TLCD2: variants seen among roughly 807,000 people sequenced by gnomAD.
TLCD2 encodes the protein TLC domain-containing protein 2.
A neutral mutation model predicts 14.0 loss-of-function variants in TLCD2; 12 were observed. That is an observed-to-expected ratio of 0.86 (90% CI 0.55 to 1.39). TLCD2 has a LOEUF of 1.39. Among genes scored for constraint, TLCD2 ranks in the 40% most tolerant of loss-of-function variants. The pLI, the probability that TLCD2 is intolerant of heterozygous loss-of-function variation, is 0.00. For missense variants in TLCD2, 360 were observed against 346.8 expected (o/e 1.04, Z -0.30); for synonymous variants, 166 against 156.5 (o/e 1.06, Z -0.45).
Position 1,710,375 on chromosome 17 carries a change from A to T in TLCD2, c.-133T>A. The T allele has an allele frequency of 1.3e-6, 1 of 778,092 alleles. No individual in the cohort carries two copies. Among genetic ancestry groups the T allele is most frequent in the Non-Finnish European group, 1.9e-6 (1 of 525,204 alleles). 48.2% of individuals were successfully genotyped at this position (778,092 alleles called of 1,614,324 possible). A position where few individuals can be genotyped will look rare whatever the true frequency, so the allele number is the denominator to read the frequency against. On this transcript the variant is annotated 5_prime_UTR_variant, in exon 1 of 4. Transcript: ENST00000330676. The surrounding 1 kb of genome is among the most constrained non-coding windows in gnomAD (Gnocchi z 6.1). Reference sequence around the variant, plus strand: ...CCCTCCCCGCCGCGCCTTTGGGATCAGCAGGAACTTTTCCCCGTTCGTCCA... The same window carrying T: ...CCCTCCCCGCCGCGCCTTTGGGATCTGCAGGAACTTTTCCCCGTTCGTCCA...
chr17:1,708,956 G>A (rs8072875), intron 3 of TLCD2, among the ~76,000 whole-genome samples: 23,636 of 151,976 alleles, frequency 0.16, 2,423 homozygotes, highest in East Asian at 0.52. Context: ...GAGTGCCCTG[G>A]CATGGTAGGT....
At position 1,710,103 on chromosome 17, in the gene TLCD2, G is replaced by A. The variant is rs1030398109; in HGVS notation, c.140C>T (p.Ala47Val). The change falls in exon 1 of 4, where the codon GCG becomes GTG. Residue 47 changes from alanine (A) to valine (V), a missense_variant. By Grantham distance (64) the Ala-to-Val change is moderately conservative (BLOSUM62 0). Transcript: ENST00000330676. This position sits in a 1 kb window ranked among gnomAD's most constrained non-coding sequence, Gnocchi z 6.1. ...CCCGGTCCCCGAGAGCAGGCTGTGCGCCAGGGAGACGCAGAGGTTCCACCA... is the reference window on the plus strand; with the variant it reads ...CCCGGTCCCCGAGAGCAGGCTGTGCACCAGGGAGACGCAGAGGTTCCACCA... ...WQWWNLCVSL[A>V]HSLLSGTGAL... 2.6e-6 allele frequency: 4 copies of A among 1,533,304 alleles called. No homozygotes were observed. In the African/African-American group the frequency reaches 4.1e-5, roughly 16 times the overall value. The allele number at this position is 1,533,304 out of a possible 1,614,324, so 95.0% of individuals were successfully genotyped here. A position where few individuals can be genotyped will look rare whatever the true frequency, so the allele number is the denominator to read the frequency against.
In TLCD2 at chr17:1,705,702, C is replaced by T. The variant is rs1452609839; in HGVS notation, c.*2068G>A. 6.6e-6 allele frequency: 1 copy of T among 152,230 alleles called. No individual in the cohort carries two copies. Among genetic ancestry groups the T allele is most frequent in the Non-Finnish European group, 1.5e-5 (1 of 68,076 alleles). 9.4% of individuals were successfully genotyped at this position (152,230 alleles called of 1,614,324 possible). ...TTCTTCGTATCTTTCTGTACCTCCG[C>T]TTCTTAGCAAGGTTTTTGTTTTGTT... is the stretch of plus-strand genomic sequence containing the variant. On this transcript the variant is annotated 3_prime_UTR_variant, in exon 4 of 4. Coordinates refer to ENST00000330676, the MANE Select transcript of TLCD2 (RefSeq NM_001164407.2).
rs1199800990 is a variant in TLCD2, at chr17:1,705,791, G to A, written c.*1979C>T. The A allele has an allele frequency of 6.6e-6, 1 of 152,124 alleles. No homozygotes were observed. The highest frequency in any genetic ancestry group is 1.5e-5 in the Non-Finnish European group (1 of 68,038). The allele number at this position is 152,124 out of a possible 1,614,324, so 9.4% of individuals were successfully genotyped here. A position where few individuals can be genotyped will look rare whatever the true frequency, so the allele number is the denominator to read the frequency against. On this transcript the variant is annotated 3_prime_UTR_variant, in exon 4 of 4. Coordinates refer to ENST00000330676, the MANE Select transcript of TLCD2 (RefSeq NM_001164407.2). Reference sequence around the variant, plus strand: ...TTGCTCATGTAGCTTTTCTGTGGATGGCTAAGGGTTGCCTCTCTCAGTCCA... The same window carrying A: ...TTGCTCATGTAGCTTTTCTGTGGATAGCTAAGGGTTGCCTCTCTCAGTCCA...
At chr17:1,709,925 C>T (rs902882126) in intron 1 of TLCD2, 39 bp from the exon 2 acceptor site, 2 of 1,514,910 alleles carry the variant, frequency 1.3e-6, no homozygotes, top group African/African-American at 1.4e-5. Context: ...GGGGCATGGT[C>T]AGCCTCTCGA....
Position 1,709,893 on chromosome 17 carries a change from G to GCATGGGGTGGGGA in TLCD2, c.177-20_177-8dup. 5 of 1,446,030 alleles carry GCATGGGGTGGGGA rather than the reference G, an allele frequency of 3.5e-6. No individual in the cohort carries two copies. Among genetic ancestry groups the GCATGGGGTGGGGA allele is most frequent in the Non-Finnish European group, 4.7e-6 (5 of 1,069,604 alleles). 89.6% of individuals were successfully genotyped at this position (1,446,030 alleles called of 1,614,324 possible). A position where few individuals can be genotyped will look rare whatever the true frequency, so the allele number is the denominator to read the frequency against. ...CTGAGGGTACAGTGACAGGCTGGGGGCATGGGGTGGGGACATGGGGGGGGG... is the reference window on the plus strand; with the variant it reads ...CTGAGGGTACAGTGACAGGCTGGGGGCATGGGGTGGGGACATGGGGTGGGGACATGGGGGGGGG... On this transcript the variant is annotated splice_region_variant and splice_polypyrimidine_tract_variant and intron_variant, in intron 1 of 3. Transcript: ENST00000330676.
Position 1,703,330 on chromosome 17 carries a change from A to T in TLCD2, c.*4440T>A, listed in dbSNP as rs1913932120. On this transcript the variant is annotated 3_prime_UTR_variant, in exon 4 of 4. Transcript: ENST00000330676. ...CTTCCTGTATGGGCTTGACTAGTTAATCCACAGAAACAGCCATGTTTCCCT... is the reference window on the plus strand; with the variant it reads ...CTTCCTGTATGGGCTTGACTAGTTATTCCACAGAAACAGCCATGTTTCCCT... 1 of 152,166 alleles carries T rather than the reference A, an allele frequency of 6.6e-6. No individual in the cohort carries two copies. The highest frequency in any genetic ancestry group is 2.4e-5 in the African/African-American group (1 of 41,444). 9.4% of individuals were successfully genotyped at this position (152,166 alleles called of 1,614,324 possible). A position where few individuals can be genotyped will look rare whatever the true frequency, so the allele number is the denominator to read the frequency against.
chr17:1,709,498 C>G lies in TLCD2; in HGVS notation c.342+1G>C. The G allele has an allele frequency of 1.3e-6, 2 of 1,536,800 alleles. No homozygotes were observed. Among genetic ancestry groups the G allele is most frequent in the Non-Finnish European group, 1.7e-6 (2 of 1,146,768 alleles). ...TCTGGCTTCTGCCCTCAGAGTCTCA[C>G]CACCAAATGATGACAGAGAAGATCC... On this transcript the variant is annotated splice_donor_variant, in intron 3 of 3. Coordinates refer to ENST00000330676, the MANE Select transcript of TLCD2 (RefSeq NM_001164407.2). LOFTEE classifies it high-confidence loss of function.
rs559113667 is a variant in TLCD2 at position 1,705,907 on chromosome 17, A to C, written c.*1863T>G. The stretch of plus-strand genomic sequence containing the variant: ...AAGGGGTCTTGTTCAACAGAAAAAA[A>C]CGCAGCAGAAGCAGCAGGGAGGAAG... On this transcript the variant is annotated 3_prime_UTR_variant, in exon 4 of 4. Coordinates refer to ENST00000330676, the MANE Select transcript of TLCD2 (RefSeq NM_001164407.2). The C allele has an allele frequency of 6.6e-6, 1 of 152,092 alleles. No homozygotes were observed. The highest frequency in any genetic ancestry group is 1.9e-4 in the East Asian group (1 of 5,176). The allele number at this position is 152,092 out of a possible 1,614,324, so 9.4% of individuals were successfully genotyped here.
chr17:1,707,721 C>T lies in TLCD2; in HGVS notation c.*49G>A. 5 of 1,415,048 alleles carry T rather than the reference C, an allele frequency of 3.5e-6. No individual in the cohort carries two copies. The highest frequency in any genetic ancestry group is 2.9e-5 in the African/African-American group (2 of 69,432). 87.7% of individuals were successfully genotyped at this position (1,415,048 alleles called of 1,614,324 possible). On this transcript the variant is annotated 3_prime_UTR_variant, in exon 4 of 4. Coordinates refer to ENST00000330676, the MANE Select transcript of TLCD2 (RefSeq NM_001164407.2). ...GGGACTGTGCATGGAAGACCCTCAT[C>T]TCCTTGTCCTGGCCCCACCTCCCCC...
Position 1,710,268 on chromosome 17 carries a change from G to C in TLCD2, c.-26C>G, listed in dbSNP as rs764721495. The stretch of plus-strand genomic sequence containing the variant: ...GGCCTGGCGGTTGGGGGGTTGCGGG[G>C]AGTCCGGGTCGGTCCCCTCGGCGCC... On this transcript the variant is annotated 5_prime_UTR_variant, in exon 1 of 4. Transcript: ENST00000330676. The surrounding 1 kb of genome is among the most constrained non-coding windows in gnomAD (Gnocchi z 6.1). 10 of 1,501,420 alleles carry C rather than the reference G, an allele frequency of 6.7e-6. No homozygotes were observed. The highest frequency in any genetic ancestry group is 8.8e-6 in the Non-Finnish European group (10 of 1,132,858). 93.0% of individuals were successfully genotyped at this position (1,501,420 alleles called of 1,614,324 possible).
In TLCD2 at chr17:1,707,618, G is replaced by A. The variant is rs778470432; in HGVS notation, c.*152C>T. ...AACATCAGCATTTCTTCTTAGATCC[G>A]AGGAAGGGGAAGGGATGTGAGTTAG... On this transcript the variant is annotated 3_prime_UTR_variant, in exon 4 of 4. Transcript: ENST00000330676. 6.4e-6 allele frequency: 4 copies of A among 620,322 alleles called. No homozygotes were observed. Among genetic ancestry groups the A allele is most frequent in the Non-Finnish European group, 1.1e-5 (4 of 380,522 alleles). The allele number at this position is 620,322 out of a possible 1,614,324, so 38.4% of individuals were successfully genotyped here.
At position 1,707,464 on chromosome 17, in the gene TLCD2, C is replaced by T; in HGVS notation, c.*306G>A. 1 of 360,558 alleles carries T rather than the reference C, an allele frequency of 2.8e-6. No individual in the cohort carries two copies. Among genetic ancestry groups the T allele is most frequent in the Non-Finnish European group, 5.0e-6 (1 of 199,414 alleles). 22.3% of individuals were successfully genotyped at this position (360,558 alleles called of 1,614,324 possible). Reference sequence around the variant, plus strand: ...GAGCTTCTGTCTCCACTGGCAGTTTCTTCCAGCTGCATGCCTCCTGCCACC... The same window carrying T: ...GAGCTTCTGTCTCCACTGGCAGTTTTTTCCAGCTGCATGCCTCCTGCCACC... On this transcript the variant is annotated 3_prime_UTR_variant, in exon 4 of 4. Coordinates refer to ENST00000330676, the MANE Select transcript of TLCD2 (RefSeq NM_001164407.2).
Position 1,708,022 on chromosome 17 carries a change from C to T in TLCD2, c.543G>A (p.Leu181=), listed in dbSNP as rs550983182. ...GGAACAGCCACAGACTCATCCACCCCAGCGGGACCAGGCGGAAGAGGGCCA... is the reference window on the plus strand; with the variant it reads ...GGAACAGCCACAGACTCATCCACCCTAGCGGGACCAGGCGGAAGAGGGCCA... ...ATLALFRLVP[L]GWMSLWLFRQ... Residue 181 remains leucine (L), a synonymous_variant, in exon 4 of 4, where the codon CTG becomes CTA. Coordinates refer to ENST00000330676, the MANE Select transcript of TLCD2 (RefSeq NM_001164407.2). The T allele has an allele frequency of 1.3e-6, 2 of 1,537,270 alleles. No homozygotes were observed. The highest frequency in any genetic ancestry group is 2.4e-5 in the East Asian group (1 of 40,916).
rs370795201 is a variant in TLCD2, at chr17:1,704,847, G to T, written c.*2923C>A. On this transcript the variant is annotated 3_prime_UTR_variant, in exon 4 of 4. Transcript: ENST00000330676. The stretch of plus-strand genomic sequence containing the variant: ...CAGCCTCCTCAGTAGCCGGGATTAC[G>T]GGCGCCTGCCACCACGCCCGGCCAA... 7.6e-6 allele frequency: 1 copy of T among 131,958 alleles called. No homozygotes were observed. The highest frequency in any genetic ancestry group is 2.8e-5 in the African/African-American group (1 of 36,320). The allele number at this position is 131,958 out of a possible 1,614,324, so 8.2% of individuals were successfully genotyped here. A position where few individuals can be genotyped will look rare whatever the true frequency, so the allele number is the denominator to read the frequency against.
In TLCD2 at chr17:1,708,181, G is replaced by A. The variant is rs1351371891; in HGVS notation, c.384C>T (p.Tyr128=). The A allele has an allele frequency of 3.9e-6, 6 of 1,536,062 alleles. No homozygotes were observed. The highest frequency in any genetic ancestry group is 1.2e-5 in the South Asian group (1 of 84,006). ...CLSTAVLSGH[Y]VGFSMVSLLL... ...GCAGAGACACCATGGAGAAGCCCACGTAGTGGCCAGACAGAACAGCGGTGC... is the reference window on the plus strand; with the variant it reads ...GCAGAGACACCATGGAGAAGCCCACATAGTGGCCAGACAGAACAGCGGTGC... The change falls in exon 4 of 4, where the codon TAC becomes TAT. Residue 128 remains tyrosine (Y), a synonymous_variant. Transcript: ENST00000330676.
At chr17:1,709,464 C>A (rs778673653) in intron 3 of TLCD2, 35 bp downstream of exon 3, 1 of 1,491,248 alleles carries the variant, frequency 6.7e-7, no homozygotes, top group African/African-American at 1.4e-5. Context: ...CTCCCCTCCT[C>A]CCTTCCTGTC....
At chr17:1,709,971 C>A (rs1196705935) in intron 1 of TLCD2, 85 bp from the exon 2 acceptor site, 3 of 1,512,326 alleles carry the variant, frequency 2.0e-6, no homozygotes, top group Non-Finnish European at 2.7e-6. Context: ...GCACCCCCAC[C>A]CCAGTCTCAG....
rs1913987413 is a variant in TLCD2 at position 1,704,967 on chromosome 17, G to A, written c.*2803C>T. 6.6e-6 allele frequency: 1 copy of A among 151,958 alleles called. No individual in the cohort carries two copies. Among genetic ancestry groups the A allele is most frequent in the South Asian group, 2.1e-4 (1 of 4,808 alleles). 9.4% of individuals were successfully genotyped at this position (151,958 alleles called of 1,614,324 possible). A position where few individuals can be genotyped will look rare whatever the true frequency, so the allele number is the denominator to read the frequency against. Reference sequence around the variant, plus strand: ...TCCGCCTGCCTCGGCCTCCCAAAATGCTGGGATTACAGGCGTGACCCACCA... The same window carrying A: ...TCCGCCTGCCTCGGCCTCCCAAAATACTGGGATTACAGGCGTGACCCACCA... On this transcript the variant is annotated 3_prime_UTR_variant, in exon 4 of 4. Transcript: ENST00000330676.
Sources: gnomAD v4.1 joint callset for allele counts (sites outside exome capture counted in the v4.1 genomes callset) on GRCh38, gnomAD v4.1.1 for gene constraint, Gnocchi (gnomAD v3.1) non-coding constraint, MANE v1.5 for transcripts, NCBI Gene and HGNC (gene_info 2026-07-23, HGNC 2026-07-21) for gene names.